ANKRD24: variants seen among roughly 807,000 people sequenced by gnomAD.
ANKRD24 encodes the protein ankyrin repeat domain 24.
ANKRD24 carries 109 observed loss-of-function variants against 127.8 expected under a neutral mutation model. The ratio of observed to expected loss-of-function variants is 0.85; its 90% CI spans 0.73 to 1.00. ANKRD24 has a LOEUF of 1.00. ANKRD24 is among the 50% of genes least tolerant of loss of function. The probability of loss-of-function intolerance (pLI) is 0.00; values close to 1 mark genes in which losing one functional copy is unlikely to be tolerated. For synonymous variants in ANKRD24, 743 were observed against 671.1 expected (o/e 1.11, Z -1.66); for missense variants, 1,648 against 1,570.2 (o/e 1.05, Z -0.84).
Position 4,212,490 on chromosome 19 carries a change from T to TC in ANKRD24, c.1078dup (p.Leu360ProfsTer47). 6.4e-7 allele frequency: 1 copy of TC among 1,571,814 alleles called. No homozygotes were observed. Among genetic ancestry groups the TC allele is most frequent in the Non-Finnish European group, 8.6e-7 (1 of 1,160,494 alleles). ...CTCCCGTCAGTCCCCGGAGGCCAGC[T>TC]CCCTGCACATCCTGGAGAGACAGGT... On this transcript the variant is annotated frameshift_variant, in exon 14 of 22. Transcript: ENST00000318934. LOFTEE classifies it high-confidence loss of function.
At position 4,208,792 on chromosome 19, in the gene ANKRD24, G is replaced by A. The variant is rs372451476; in HGVS notation, c.861G>A (p.Ala287=). The change falls in exon 11 of 22, where the codon GCG becomes GCA. Residue 287 remains alanine, a synonymous_variant. Coordinates refer to ENST00000318934, the MANE Select transcript of ANKRD24 (RefSeq NM_001393985.1). Reference sequence around the variant, plus strand: ...TCACAGAGGATGATTCAGGCGAGGCGTCATCTCAGGTATGGACCCCTAAGC... The same window carrying A: ...TCACAGAGGATGATTCAGGCGAGGCATCATCTCAGGTATGGACCCCTAAGC... ...SALTEDDSGE[A]SSQNSMSSHG... is the part of the protein sequence containing the mutation. The A allele has an allele frequency of 1.3e-4, 216 of 1,613,026 alleles. No homozygotes were observed. The African/African-American group carries it at 2.3e-3, about 17-fold the overall frequency.
At chr19:4,208,711 C>G in intron 10 of ANKRD24, 53 bp from the exon 11 acceptor site, 1 of 1,577,566 alleles carries the variant, frequency 6.3e-7, no homozygotes, top group Non-Finnish European at 8.7e-7. Flanking sequence ...CCCACCAATG[C>G]CCTTCCTGGG....
chr19:4,197,742 TG>T (rs1288392667), intron 2 of ANKRD24, among the ~76,000 whole-genome samples: 1 of 151,818 alleles, frequency 6.6e-6, no homozygotes, highest in Non-Finnish European at 1.5e-5. Context: ...AATAAACAAA[TG>T]GGTGAAGGAA....
At chr19:4,189,567 T>A (rs954281952) in intron 2 of ANKRD24, among the ~76,000 whole-genome samples, 5 of 151,070 alleles carry the variant, frequency 3.3e-5, no homozygotes, top group African/African-American at 1.2e-4. Context: ...TTTTTTTTTT[T>A]AAGAGATGGG....
At position 4,207,512 on chromosome 19, in the gene ANKRD24, A is replaced by G. The variant is rs1245053150; in HGVS notation, c.549A>G (p.Thr183=). 1 of 1,613,298 alleles carries G rather than the reference A, an allele frequency of 6.2e-7. No individual in the cohort carries two copies. Among genetic ancestry groups the G allele is most frequent in the Admixed American group, 1.7e-5 (1 of 59,946 alleles). Residue 183 remains threonine (T), a synonymous_variant, in exon 9 of 22, where the codon ACA becomes ACG. Coordinates refer to ENST00000318934, the MANE Select transcript of ANKRD24 (RefSeq NM_001393985.1). ...HLNPQDRSGA[T]PLIIAAQMCH... is the part of the protein sequence containing the mutation. The stretch of plus-strand genomic sequence containing the variant: ...CTCCTCCCTACCAGTCAGGCGCAAC[A>G]CCCCTCATTATAGCAGCTCAGATGT...
At chr19:4,196,659 G>A (rs1422482652) in intron 2 of ANKRD24, among the ~76,000 whole-genome samples, 5 of 152,200 alleles carry the variant, frequency 3.3e-5, no homozygotes, top group Non-Finnish European at 1.5e-5. Flanking sequence ...ACAGGCGTGA[G>A]CCACCGCGCC....
chr19:4,223,814 T>G (rs1036271063), intron 20 of ANKRD24, among the ~76,000 whole-genome samples: 3 of 152,082 alleles, frequency 2.0e-5, no homozygotes, highest in Non-Finnish European at 4.4e-5. Context: ...TCCGCCCGCC[T>G]TGGCCTCCCA....
At chr19:4,210,159 G>A (rs746890506) in intron 12 of ANKRD24, 21 bp downstream of exon 12, 15 of 1,593,606 alleles carry the variant, frequency 9.4e-6, no homozygotes, top group Middle Eastern at 1.7e-4. Flanking sequence ...CTCTGGGCAC[G>A]GGAGGAGGCA....
At chr19:4,220,477 C>T (rs1449512529) in intron 19 of ANKRD24, among the ~76,000 whole-genome samples, 1 of 152,200 alleles carries the variant, frequency 6.6e-6, no homozygotes, top group Non-Finnish European at 1.5e-5. Flanking sequence ...ACGTTTCGTT[C>T]CTAAACAATA....
intron 18 of ANKRD24, 51 bp downstream of exon 18, chr19:4,218,214 G>A (rs898978842): frequency 6.4e-6 from 9 of 1,399,440 alleles, no homozygotes; most frequent in Middle Eastern, 2.6e-4. Context: ...GCCACGTGGC[G>A]GCCTGTTTTA....
intron 9 of ANKRD24, 60 bp from the exon 10 acceptor site, chr19:4,207,721 A>G: frequency 6.3e-7 from 1 of 1,583,786 alleles, no homozygotes; most frequent in Middle Eastern, 1.8e-4. Flanking sequence ...CTGGGTGCTG[A>G]GGTGGGCATG....
At chr19:4,209,368 A>G (rs1423686852) in intron 11 of ANKRD24, among the ~76,000 whole-genome samples, 2 of 151,034 alleles carry the variant, frequency 1.3e-5, no homozygotes, top group Admixed American at 6.6e-5. Flanking sequence ...TCGGCCTCCC[A>G]AAGTGCTGGG....
chr19:4,202,190 C>A, intron 6 of ANKRD24, 100 bp downstream of exon 6: 1 of 1,146,270 alleles, frequency 8.7e-7, no homozygotes, highest in South Asian at 1.3e-5. Flanking sequence ...CCTAGATATT[C>A]CTTGGCCCCT....
chr19:4,196,166 C>G (rs1968724295), intron 2 of ANKRD24, among the ~76,000 whole-genome samples: 1 of 152,124 alleles, frequency 6.6e-6, no homozygotes, highest in Admixed American at 6.6e-5. Context: ...GGTGCCTGTC[C>G]TATTATCTAT....
chr19:4,185,491 A>T (rs1176628875), intron 1 of ANKRD24, among the ~76,000 whole-genome samples: 1 of 152,040 alleles, frequency 6.6e-6, no homozygotes, highest in Non-Finnish European at 1.5e-5. Flanking sequence ...CATCACAGAA[A>T]TCCCTTTCAC....
intron 5 of ANKRD24, 83 bp from the exon 6 acceptor site, chr19:4,201,943 C>T: frequency 3.3e-6 from 4 of 1,217,106 alleles, no homozygotes; most frequent in Non-Finnish European, 4.9e-6. Context: ...AGAAACTCAT[C>T]ACAAGTAGTT....
intron 15 of ANKRD24, among the ~76,000 whole-genome samples, chr19:4,213,892 C>T (rs1007672953): frequency 3.9e-5 from 6 of 152,266 alleles, no homozygotes; most frequent in African/African-American, 1.2e-4. Context: ...GCCTTGGCCT[C>T]CCAAAGTGCT....
At chr19:4,185,866 C>T (rs145529469) in intron 1 of ANKRD24, among the ~76,000 whole-genome samples, 138 of 152,302 alleles carry the variant, frequency 9.1e-4, no homozygotes, top group Non-Finnish European at 1.4e-3. Flanking sequence ...GAGACCCAGC[C>T]AGGGTAGGCG....
chr19:4,200,925 A>G (rs1313779861), intron 5 of ANKRD24, among the ~76,000 whole-genome samples: 2 of 152,202 alleles, frequency 1.3e-5, no homozygotes, highest in African/African-American at 4.8e-5. Flanking sequence ...TCTGGGATAT[A>G]GGAGTATCCG....
Sources: gnomAD v4.1 joint callset for allele counts (sites outside exome capture counted in the v4.1 genomes callset) on GRCh38, gnomAD v4.1.1 for gene constraint, MANE v1.5 for transcripts, NCBI Gene and HGNC (gene_info 2026-07-23, HGNC 2026-07-21) for gene names.